TMEM236: variants seen among roughly 807,000 people sequenced by gnomAD.
TMEM236 encodes family with sequence similarity 23, member A.
Under a neutral mutation model 14.7 loss-of-function variants are expected in TMEM236, and 11 were observed. The ratio of observed to expected loss-of-function variants is 0.75; its 90% CI spans 0.47 to 1.24. The LOEUF is 1.24. Ranked by LOEUF, TMEM236 falls within the 50% of genes most tolerant of loss-of-function variation. The pLI is 0.00. For synonymous variants in TMEM236, 182 were observed against 168.6 expected (o/e 1.08, Z -0.62); for missense variants, 464 against 427.3 (o/e 1.09, Z -0.76).
intron 2 of TMEM236, among the ~76,000 whole-genome samples, chr10:17,773,273 G>T (rs1340051142): frequency 5.3e-5 from 8 of 152,260 alleles, no homozygotes; most frequent in African/African-American, 1.9e-4. Context: ...AGATTGTACT[G>T]ATTTCTATAG....
chr10:17,764,449 T>A (rs1837427836), intron 1 of TMEM236, among the ~76,000 whole-genome samples: 2 of 152,228 alleles, frequency 1.3e-5, no homozygotes, highest in African/African-American at 4.8e-5. Context: ...CTTGCATTCT[T>A]TGCAGCATGA....
At chr10:17,754,424 A>T (rs1170445849) in intron 1 of TMEM236, among the ~76,000 whole-genome samples, 1 of 152,080 alleles carries the variant, frequency 6.6e-6, no homozygotes, top group African/African-American at 2.4e-5. Flanking sequence ...CAGGGGGCTC[A>T]GGTGATCCTC....
intron 1 of TMEM236, among the ~76,000 whole-genome samples, chr10:17,766,271 T>C (rs2131745383): frequency 6.6e-6 from 1 of 152,348 alleles, no homozygotes; most frequent in Non-Finnish European, 1.5e-5. Context: ...AGTTCATTAC[T>C]TACAAGTTCT....
rs931175475 is a variant in TMEM236, at chr10:17,799,921, A to G, written c.*3417A>G. Reference sequence around the variant, plus strand: ...TGAGTAGCTAATTTAATTTCATTTAATATTTTACTTAGAGTGTATACATGT... The same window carrying G: ...TGAGTAGCTAATTTAATTTCATTTAGTATTTTACTTAGAGTGTATACATGT... On this transcript the variant is annotated 3_prime_UTR_variant, in exon 4 of 4. Coordinates refer to ENST00000377495, the MANE Select transcript of TMEM236 (RefSeq NM_001098844.3). The G allele has an allele frequency of 1.9e-4, 29 of 152,608 alleles. No homozygotes were observed. Among genetic ancestry groups the G allele is most frequent in the African/African-American group, 6.8e-4 (28 of 41,462 alleles). 9.5% of individuals were successfully genotyped at this position (152,608 alleles called of 1,614,324 possible).
chr10:17,789,819 A>G (rs1229020171), intron 3 of TMEM236, among the ~76,000 whole-genome samples: 1 of 151,980 alleles, frequency 6.6e-6, no homozygotes. Flanking sequence ...CAGGAGATTG[A>G]GACCATCCTG....
At chr10:17,783,079 A>G (rs954916637) in intron 3 of TMEM236, among the ~76,000 whole-genome samples, 1 of 152,122 alleles carries the variant, frequency 6.6e-6, no homozygotes, top group East Asian at 1.9e-4. Flanking sequence ...GAAACCTCTC[A>G]GTGAGGTGAC....
At chr10:17,792,719 G>A (rs1291764730) in intron 3 of TMEM236, among the ~76,000 whole-genome samples, 2 of 152,150 alleles carry the variant, frequency 1.3e-5, no homozygotes, top group African/African-American at 4.8e-5. Flanking sequence ...ACTTTTTACA[G>A]GGCCATGTGA....
intron 2 of TMEM236, 133 bp downstream of exon 2, chr10:17,771,514 T>A: frequency 1.1e-6 from 1 of 870,532 alleles, no homozygotes; most frequent in South Asian, 1.4e-5. Flanking sequence ...CAGGTTGCAA[T>A]ATATGTTATT....
At chr10:17,765,979 C>G (rs940835529) in intron 1 of TMEM236, among the ~76,000 whole-genome samples, 5,053 of 152,282 alleles carry the variant, frequency 0.033, 264 homozygotes, top group African/African-American at 0.12. Flanking sequence ...TTTCATCTTA[C>G]CTCTGCAACC....
intron 3 of TMEM236, among the ~76,000 whole-genome samples, chr10:17,780,036 T>G (rs979850511): frequency 0.02 from 3,004 of 152,278 alleles, 83 homozygotes; most frequent in African/African-American, 0.068. Flanking sequence ...TAATAACTGT[T>G]TTTTTCTTGG....
chr10:17,773,641 T>G (rs1197292111), intron 2 of TMEM236, among the ~76,000 whole-genome samples: 1 of 152,162 alleles, frequency 6.6e-6, no homozygotes, highest in African/African-American at 2.4e-5. Flanking sequence ...CCAGGCATCA[T>G]TGTGTCTTTT....
At chr10:17,789,696 C>T (rs1554835924) in intron 3 of TMEM236, among the ~76,000 whole-genome samples, 1 of 151,504 alleles carries the variant, frequency 6.6e-6, no homozygotes, top group African/African-American at 2.4e-5. Context: ...GCCTGGGCAA[C>T]ATAGTGAGAT....
intron 3 of TMEM236, among the ~76,000 whole-genome samples, chr10:17,783,784 G>A (rs1837792203): frequency 6.6e-6 from 1 of 152,088 alleles, no homozygotes; most frequent in Non-Finnish European, 1.5e-5. Flanking sequence ...TTCCTCTCTT[G>A]CAAAATAGTA....
chr10:17,757,757 T>C (rs1193933603), intron 1 of TMEM236, among the ~76,000 whole-genome samples: 1 of 152,036 alleles, frequency 6.6e-6, no homozygotes, highest in Non-Finnish European at 1.5e-5. Flanking sequence ...CAATGCTTTT[T>C]TTGTTTATTT....
chr10:17,794,551 G>GCA (rs1231682695), intron 3 of TMEM236, among the ~76,000 whole-genome samples: 1,917 of 151,102 alleles, frequency 0.013, 45 homozygotes, highest in African/African-American at 0.042. Flanking sequence ...ACACACACAC[G>GCA]CACACACACA....
chr10:17,797,891 A>G lies in TMEM236; in HGVS notation c.*1387A>G, dbSNP rs1838042618. The G allele has an allele frequency of 2.6e-5, 4 of 152,288 alleles. No homozygotes were observed. The allele number at this position is 152,288 out of a possible 1,614,324, so 9.4% of individuals were successfully genotyped here. The stretch of plus-strand genomic sequence containing the variant: ...GACAGAGATTTCAAAGTAAAAGAAT[A>G]TTTTATTTGTGGAATTTGATACTTT... On this transcript the variant is annotated 3_prime_UTR_variant, in exon 4 of 4. Coordinates refer to ENST00000377495, the MANE Select transcript of TMEM236 (RefSeq NM_001098844.3).
intron 3 of TMEM236, among the ~76,000 whole-genome samples, chr10:17,782,696 C>T (rs1202291396): frequency 1.3e-5 from 2 of 152,124 alleles, no homozygotes; most frequent in Non-Finnish European, 2.9e-5. Flanking sequence ...AAATGATCCA[C>T]CCGCCTCACC....
At chr10:17,755,166 G>C (rs1837268284) in intron 1 of TMEM236, among the ~76,000 whole-genome samples, 2 of 151,380 alleles carry the variant, frequency 1.3e-5, no homozygotes, top group African/African-American at 4.9e-5. Context: ...GGCCATGCTG[G>C]TCTTGAATTC....
intron 1 of TMEM236, among the ~76,000 whole-genome samples, chr10:17,757,694 C>A (rs971564047): frequency 4.6e-5 from 7 of 151,070 alleles, no homozygotes; most frequent in African/African-American, 1.7e-4. Flanking sequence ...ATACAATTTT[C>A]TTTTCCTTTA....
Sources: allele counts gnomAD v4.1 joint callset (sites outside exome capture counted in the v4.1 genomes callset), GRCh38; gene constraint gnomAD v4.1.1; transcripts MANE v1.5; gene names NCBI Gene and HGNC (gene_info 2026-07-23, HGNC 2026-07-21).